Variants in ARHGEF7 observed in about 807,000 individuals in gnomAD.
The protein encoded by ARHGEF7 is Rho guanine nucleotide exchange factor 7.
Under a neutral mutation model 109.8 loss-of-function variants are expected in ARHGEF7, and 33 were observed. That is an observed-to-expected ratio of 0.30 (90% confidence interval 0.23 to 0.40). The LOEUF (loss-of-function observed/expected upper bound fraction) is 0.40. Ranked by LOEUF, ARHGEF7 falls within the 10% of genes least tolerant of loss-of-function variation. The probability of loss-of-function intolerance (pLI) is 1.00; values close to 1 mark genes in which losing one functional copy is unlikely to be tolerated. For missense variants in ARHGEF7, 938 were observed against 1,098.5 expected, an observed-to-expected ratio of 0.85 and a Z score of 2.07; for synonymous variants, 458 against 424.6, an observed-to-expected ratio of 1.08 and a Z score of -0.97.
chr13:111,297,027 CAG>C (rs1331132300), intron 19 of ARHGEF7, among the ~76,000 whole-genome samples: 2 of 152,184 alleles, frequency 1.3e-5, no homozygotes. Flanking sequence ...CTAGGTAACT[CAG>C]GGAATAATGT....
At position 111,286,234 on chromosome 13, in the gene ARHGEF7, C is replaced by T. The variant is rs1164509546; in HGVS notation, c.2038C>T (p.Arg680Trp). Reference protein sequence around the residue: ...RKPSDEEFASRKSTAALEEDA... With the variant: ...RKPSDEEFASWKSTAALEEDA... ...GCCTTCAGATGAGGAGTTCGCGTCC[C>T]GGAAAAGTGAGTACCTGCGGTCCGT... The change falls in exon 17 of 22, where the codon CGG (arginine) becomes TGG (tryptophan). Residue 680 changes from arginine to tryptophan, a missense_variant. Transcript: ENST00000646102. The T allele has an allele frequency of 4.3e-6, 7 of 1,613,430 alleles. No individual in the cohort carries two copies. The highest frequency in any genetic ancestry group is 1.3e-5 in the African/African-American group (1 of 74,986).
intron 19 of ARHGEF7, among the ~76,000 whole-genome samples, chr13:111,296,129 G>T (rs532826265): frequency 3.2e-4 from 49 of 152,102 alleles, no homozygotes; most frequent in South Asian, 1.5e-3. Context: ...GGCCCCAGGG[G>T]TTGATCAGCA....
chr13:111,121,787 A>C (rs1475186517), intron 1 of ARHGEF7, among the ~76,000 whole-genome samples: 1 of 151,594 alleles, frequency 6.6e-6, no homozygotes, highest in African/African-American at 2.4e-5. Flanking sequence ...TCCCGCAGCC[A>C]TTTGCTCTGT....
At chr13:111,195,515 C>T (rs553620524) in intron 2 of ARHGEF7, among the ~76,000 whole-genome samples, 17 of 152,264 alleles carry the variant, frequency 1.1e-4, no homozygotes, top group Admixed American at 2.0e-4. Flanking sequence ...GAGAAGGCCT[C>T]GCCAGTGTCC....
At chr13:111,206,961 A>T (rs1370082009) in intron 3 of ARHGEF7, among the ~76,000 whole-genome samples, 2 of 92,694 alleles carry the variant, frequency 2.2e-5, no homozygotes, top group South Asian at 3.8e-4. Context: ...GACTCCATCT[A>T]AAAAAAAAAA....
At chr13:111,231,137 T>G (rs1594981964) in intron 5 of ARHGEF7, among the ~76,000 whole-genome samples, 6 of 152,056 alleles carry the variant, frequency 3.9e-5, no homozygotes, top group Admixed American at 3.9e-4. Context: ...GTGATTGAGG[T>G]GTGGACAGTC....
intron 2 of ARHGEF7, among the ~76,000 whole-genome samples, chr13:111,164,790 C>A (rs2076998969): frequency 6.6e-6 from 1 of 152,162 alleles, no homozygotes; most frequent in Non-Finnish European, 1.5e-5. Context: ...CAAGCGGAAT[C>A]GGGATAAGAA....
chr13:111,237,167 A>G (rs1488485819), intron 6 of ARHGEF7, among the ~76,000 whole-genome samples: 2 of 152,226 alleles, frequency 1.3e-5, no homozygotes, highest in Admixed American at 6.5e-5. Flanking sequence ...CTCAAACAGT[A>G]TAAGCCAGAT....
intron 2 of ARHGEF7, among the ~76,000 whole-genome samples, chr13:111,181,614 G>A (rs1287824458): frequency 2.0e-5 from 3 of 152,224 alleles, no homozygotes; most frequent in Admixed American, 2.0e-4. Context: ...TTCTGAGGAA[G>A]TGTCTTGAGC....
At chr13:111,194,925 C>T (rs1173848745) in intron 2 of ARHGEF7, among the ~76,000 whole-genome samples, 2 of 152,178 alleles carry the variant, frequency 1.3e-5, no homozygotes, top group Admixed American at 6.5e-5. Flanking sequence ...TTTGAGAGAG[C>T]AGGGTATAGG....
chr13:111,205,167 G>A (rs1366912303), intron 2 of ARHGEF7, 122 bp from the exon 3 acceptor site: 4 of 667,730 alleles, frequency 6.0e-6, no homozygotes, highest in East Asian at 3.0e-5. Context: ...TCTCCCTGTC[G>A]CAGGTTGTGC....
At chr13:111,252,404 C>T (rs1413996382) in intron 8 of ARHGEF7, among the ~76,000 whole-genome samples, 2 of 152,138 alleles carry the variant, frequency 1.3e-5, no homozygotes, top group Non-Finnish European at 2.9e-5. Context: ...GATTTGACCT[C>T]AGTATGGGGC....
intron 5 of ARHGEF7, among the ~76,000 whole-genome samples, chr13:111,221,532 T>TAGATAGATATAGA (rs1566876331): frequency 2.7e-5 from 1 of 36,660 alleles, no homozygotes; most frequent in African/African-American, 8.2e-5. Flanking sequence ...TCTATATATA[T>TAGATAGATATAGA]CTATATATAG....
intron 8 of ARHGEF7, among the ~76,000 whole-genome samples, chr13:111,249,351 G>A (rs1378605210): frequency 1.3e-5 from 2 of 152,008 alleles, no homozygotes; most frequent in Non-Finnish European, 2.9e-5. Flanking sequence ...AGAGGTTTAC[G>A]TAGCTGCAGT....
At position 111,239,007 on chromosome 13, in the gene ARHGEF7, C is replaced by T. The variant is rs906074371; in HGVS notation, c.760-4865C>T. The stretch of plus-strand genomic sequence containing the variant: ...AGTCATGGCGGAAGGCACCTCTTCA[C>T]GAAGCAGTGGGAGAGAGAATGAGTG... On this transcript the variant is annotated intron_variant, in intron 6 of 21. Transcript: ENST00000646102. The surrounding 1 kb of genome is among the most constrained non-coding windows in gnomAD (Gnocchi z 4.3). Among the ~76,000 whole-genome samples, 5 of 152,136 alleles carry T rather than the reference C, an allele frequency of 3.3e-5. No individual in the cohort carries two copies. The highest frequency in any genetic ancestry group is 2.0e-4 in the Admixed American group (3 of 15,286).
chr13:111,284,470 G>T (rs755619532), intron 16 of ARHGEF7, among the ~76,000 whole-genome samples: 3 of 152,170 alleles, frequency 2.0e-5, no homozygotes, highest in Non-Finnish European at 4.4e-5. Context: ...GAATGTTGCT[G>T]TTCCTTATTG....
At chr13:111,280,992 T>C (rs965888472) in intron 15 of ARHGEF7, 1 of 216,372 alleles carries the variant, frequency 4.6e-6, no homozygotes, top group Non-Finnish European at 9.0e-6. Context: ...CAACTATAGA[T>C]GATTTTTCTG....
chr13:111,121,668 C>G (rs745482362), intron 1 of ARHGEF7, among the ~76,000 whole-genome samples: 1 of 152,228 alleles, frequency 6.6e-6, no homozygotes, highest in East Asian at 1.9e-4. Flanking sequence ...CCACGTGCAT[C>G]GCTGGGAGAT....
chr13:111,123,481 T>TCA (rs150434265), intron 1 of ARHGEF7, among the ~76,000 whole-genome samples: 21,456 of 148,114 alleles, frequency 0.14, 1,590 homozygotes, highest in East Asian at 0.21. Context: ...AGATAACAAA[T>TCA]CACACACACA....
Sources: gnomAD v4.1 joint callset for allele counts (sites outside exome capture counted in the v4.1 genomes callset) on GRCh38, gnomAD v4.1.1 for gene constraint, Gnocchi (gnomAD v3.1) non-coding constraint, MANE v1.5 for transcripts, NCBI Gene and HGNC (gene_info 2026-07-23, HGNC 2026-07-21) for gene names.